The following GIT1 variants were observed in gnomAD, a reference collection of about 807,000 sequenced individuals.
The protein encoded by GIT1 is ARF GTPase-activating protein GIT1.
GIT1 carries 14 observed loss-of-function variants against 91.7 expected under a neutral mutation model. The ratio of observed to expected loss-of-function variants is 0.15; its 90% CI spans 0.10 to 0.24. GIT1 has a LOEUF of 0.24. Ranked by LOEUF, GIT1 falls within the 10% of genes least tolerant of loss-of-function variation. The pLI is 1.00. For missense variants in GIT1, 717 were observed against 1,024.9 expected (o/e 0.70, Z 4.10); for synonymous variants, 414 against 418.2 (o/e 0.99, Z 0.12).
Position 29,575,716 on chromosome 17 carries a change from G to A in GIT1, c.1753-13C>T. The A allele has an allele frequency of 6.2e-7, 1 of 1,612,434 alleles. No individual in the cohort carries two copies. On this transcript the variant is annotated splice_polypyrimidine_tract_variant and intron_variant, in intron 16 of 19. Transcript: ENST00000225394. This position sits in a 1 kb window ranked among gnomAD's most constrained non-coding sequence, Gnocchi z 5.5. ...GGGAAAGCTTGCTCTGGAGGGCGGA[G>A]GGAAGGGGCTGTGAGCGCCGTGTTC...
Position 29,581,656 on chromosome 17 carries a change from G to T in GIT1, c.718+86C>A. Reference sequence around the variant, plus strand: ...GCTCCCCAGCCGCTCTGTCACCATGGCACCTGCTGCCGGGTGCGTCCAGGT... The same window carrying T: ...GCTCCCCAGCCGCTCTGTCACCATGTCACCTGCTGCCGGGTGCGTCCAGGT... On this transcript the variant is annotated intron_variant, in intron 6 of 19. Coordinates refer to ENST00000225394, the MANE Select transcript of GIT1 (RefSeq NM_014030.4). The surrounding 1 kb of genome is among the most constrained non-coding windows in gnomAD (Gnocchi z 4.8). The T allele has an allele frequency of 9.9e-7, 1 of 1,014,330 alleles. No individual in the cohort carries two copies. Among genetic ancestry groups the T allele is most frequent in the Non-Finnish European group, 1.5e-6 (1 of 657,576 alleles). 62.8% of individuals were successfully genotyped at this position (1,014,330 alleles called of 1,614,324 possible). A position where few individuals can be genotyped will look rare whatever the true frequency, so the allele number is the denominator to read the frequency against.
Position 29,575,561 on chromosome 17 carries a change from CTG to C in GIT1, c.1826+67_1826+68del. ...AGCCGCCCGCCTTGGTCCTCACACA[CTG>C]GGGGCCCTCTCAACCTCCCCGCCTC... On this transcript the variant is annotated intron_variant, in intron 17 of 19. Coordinates refer to ENST00000225394, the MANE Select transcript of GIT1 (RefSeq NM_014030.4). The surrounding 1 kb of genome is among the most constrained non-coding windows in gnomAD (Gnocchi z 5.5). 3 of 1,564,786 alleles carry C rather than the reference CTG, an allele frequency of 1.9e-6. No homozygotes were observed. The highest frequency in any genetic ancestry group is 1.7e-6 in the Non-Finnish European group (2 of 1,143,428).
At chr17:29,583,777 G>A (rs2033485829) in intron 1 of GIT1, 161 bp from the exon 2 acceptor site, 2 of 750,286 alleles carry the variant, frequency 2.7e-6, no homozygotes, top group East Asian at 2.7e-5. Context: ...GGTTACCAGT[G>A]AGGGATCTCC....
Position 29,574,338 on chromosome 17 carries a change from G to T in GIT1, c.*364C>A. 3.5e-6 allele frequency: 1 copy of T among 289,170 alleles called. No individual in the cohort carries two copies. Among genetic ancestry groups the T allele is most frequent in the Non-Finnish European group, 6.7e-6 (1 of 149,552 alleles). The allele number at this position is 289,170 out of a possible 1,614,324, so 17.9% of individuals were successfully genotyped here. The stretch of plus-strand genomic sequence containing the variant: ...AGGGCTGAACTGGCTCATGGGGGTG[G>T]GGCGCATGTACGGAGAGCTGCCCCA... On this transcript the variant is annotated 3_prime_UTR_variant, in exon 20 of 20. Transcript: ENST00000225394.
chr17:29,577,795 G>T (rs1259350211), intron 9 of GIT1, 53 bp from the exon 10 acceptor site: 5 of 1,120,422 alleles, frequency 4.5e-6, no homozygotes, highest in Non-Finnish European at 6.8e-6. Flanking sequence ...CCCCCAAGGT[G>T]GGGGTGGGGA....
chr17:29,579,669 G>A (rs1161534267), intron 7 of GIT1, among the ~76,000 whole-genome samples: 1 of 151,766 alleles, frequency 6.6e-6, no homozygotes, highest in East Asian at 1.9e-4. Flanking sequence ...GCTGTGGTAA[G>A]CTATGATCAA....
Position 29,575,951 on chromosome 17 carries a change from C to T in GIT1, c.1666-53G>A. 5.2e-6 allele frequency: 8 copies of T among 1,551,234 alleles called. No individual in the cohort carries two copies. The South Asian group carries it at 9.0e-5, about 17-fold the overall frequency. On this transcript the variant is annotated intron_variant, in intron 15 of 19. Coordinates refer to ENST00000225394, the MANE Select transcript of GIT1 (RefSeq NM_014030.4). The surrounding 1 kb of genome is among the most constrained non-coding windows in gnomAD (Gnocchi z 5.5). ...GTCAGTGTGCCCCACTGCCCCCCTGCTCACCAGCAGTGCAGCAGGGACCAG... is the reference window on the plus strand; with the variant it reads ...GTCAGTGTGCCCCACTGCCCCCCTGTTCACCAGCAGTGCAGCAGGGACCAG...
At chr17:29,582,875 C>T in intron 3 of GIT1, 50 bp downstream of exon 3, 1 of 1,545,780 alleles carries the variant, frequency 6.5e-7, no homozygotes, top group Non-Finnish European at 8.9e-7. Flanking sequence ...TCCCAGGGCC[C>T]TGTCCCGGAC....
intron 1 of GIT1, among the ~76,000 whole-genome samples, chr17:29,587,815 CCTG>C (rs762745354): frequency 7.9e-5 from 12 of 152,186 alleles, no homozygotes; most frequent in Non-Finnish European, 1.0e-4. Context: ...CGATTGGGCG[CCTG>C]CTAAGACTCT....
At chr17:29,577,843 A>G in intron 9 of GIT1, 101 bp from the exon 10 acceptor site, 2 of 741,528 alleles carry the variant, frequency 2.7e-6, no homozygotes, top group Admixed American at 2.0e-5. Context: ...CCCCACGCCT[A>G]CTGAGCACTG....
chr17:29,583,091 GGGAAA>G, intron 2 of GIT1, 54 bp from the exon 3 acceptor site: 1 of 1,189,700 alleles, frequency 8.4e-7, no homozygotes, highest in South Asian at 1.2e-5. Flanking sequence ...TAAGCAATGG[GGGAAA>G]CACTTCCTGA....
At chr17:29,585,493 C>T (rs1485053922) in intron 1 of GIT1, among the ~76,000 whole-genome samples, 1 of 152,198 alleles carries the variant, frequency 6.6e-6, no homozygotes. Context: ...GTGACCCTGG[C>T]TATGGCAGTA....
At chr17:29,584,519 G>A (rs1285813396) in intron 1 of GIT1, among the ~76,000 whole-genome samples, 3 of 152,202 alleles carry the variant, frequency 2.0e-5, no homozygotes, top group Admixed American at 2.0e-4. Context: ...CCCATCCTAG[G>A]CCCCTTGGGA....
At chr17:29,582,443 C>A (rs934024215) in intron 4 of GIT1, among the ~76,000 whole-genome samples, 1 of 152,260 alleles carries the variant, frequency 6.6e-6, no homozygotes, top group African/African-American at 2.4e-5. Context: ...AGTGGCTAAG[C>A]AACTACCCCC....
intron 7 of GIT1, chr17:29,580,937 G>A (rs759112621): frequency 1.8e-4 from 42 of 230,870 alleles, no homozygotes; most frequent in African/African-American, 4.9e-4. Context: ...GCGCCACCAC[G>A]CCTGGCTAAT....
At chr17:29,584,323 A>C (rs1327598458) in intron 1 of GIT1, among the ~76,000 whole-genome samples, 3 of 152,208 alleles carry the variant, frequency 2.0e-5, no homozygotes, top group Non-Finnish European at 4.4e-5. Context: ...ATGCGAGGCT[A>C]ATGAGTAGAA....
chr17:29,577,639 C>T lies in GIT1; in HGVS notation c.981+6G>A, dbSNP rs764637613. On this transcript the variant is annotated splice_donor_region_variant and intron_variant, in intron 10 of 19. Coordinates refer to ENST00000225394, the MANE Select transcript of GIT1 (RefSeq NM_014030.4). ...CCACCCCAGGCCCCCAATCCAGCCCCCTCACCTGATTCCGCGTGGCTGAGT... is the reference window on the plus strand; with the variant it reads ...CCACCCCAGGCCCCCAATCCAGCCCTCTCACCTGATTCCGCGTGGCTGAGT... The T allele has an allele frequency of 1.9e-6, 3 of 1,582,726 alleles. No individual in the cohort carries two copies. Among genetic ancestry groups the T allele is most frequent in the Non-Finnish European group, 2.6e-6 (3 of 1,151,548 alleles).
chr17:29,577,864 CAG>C, intron 9 of GIT1, 122 bp from the exon 10 acceptor site: 1 of 675,292 alleles, frequency 1.5e-6, no homozygotes, highest in Non-Finnish European at 2.7e-6. Flanking sequence ...GTGTTCAGAA[CAG>C]GGGTGGTCTT....
chr17:29,583,910 CCA>C (rs755813261), intron 1 of GIT1: 1 of 426,582 alleles, frequency 2.3e-6, no homozygotes, highest in Non-Finnish European at 4.2e-6. Context: ...GCCACTGCTA[CCA>C]GTCTCTCAGC....
Sources: gnomAD v4.1 joint callset for allele counts (sites outside exome capture counted in the v4.1 genomes callset) on GRCh38, gnomAD v4.1.1 for gene constraint, Gnocchi (gnomAD v3.1) non-coding constraint, MANE v1.5 for transcripts, NCBI Gene and HGNC (gene_info 2026-07-23, HGNC 2026-07-21) for gene names.